The following TRDMT1 variants were observed in gnomAD, a reference collection of about 807,000 sequenced individuals.
TRDMT1 encodes the protein tRNA aspartic acid methyltransferase 1, also known as tRNA (cytosine(38)-C(5))-methyltransferase.
TRDMT1 carries 49 observed loss-of-function variants against 51.2 expected under a neutral mutation model. The ratio of observed to expected loss-of-function variants is 0.96; its 90% CI spans 0.76 to 1.21. The LOEUF is 1.21. Among genes scored for constraint, TRDMT1 ranks in the 50% most tolerant of loss-of-function variants. The pLI is 0.00. For missense variants in TRDMT1, 534 were observed against 462.3 expected, an observed-to-expected ratio of 1.16 and a Z score of -1.42; for synonymous variants, 187 against 164.6, an observed-to-expected ratio of 1.14 and a Z score of -1.04.
chr10:17,189,926 G>A (rs1322914547), intron 1 of TRDMT1, among the ~76,000 whole-genome samples: 3 of 151,974 alleles, frequency 2.0e-5, no homozygotes, highest in Non-Finnish European at 2.9e-5. Context: ...CTTCATTATT[G>A]AGTTTGAACA....
intron 7 of TRDMT1, 23 bp downstream of exon 7, chr10:17,159,123 T>A: frequency 6.8e-7 from 1 of 1,465,460 alleles, no homozygotes; most frequent in South Asian, 1.3e-5. Context: ...ATAATATTCA[T>A]AATAAAATTC....
chr10:17,155,033 C>T (rs1588506543), intron 8 of TRDMT1, among the ~76,000 whole-genome samples: 1 of 152,072 alleles, frequency 6.6e-6, no homozygotes, highest in South Asian at 2.1e-4. Context: ...GTCAGCCTGG[C>T]CAACATGGTG....
intron 8 of TRDMT1, among the ~76,000 whole-genome samples, chr10:17,155,275 G>A (rs925657454): frequency 6.6e-6 from 1 of 152,120 alleles, no homozygotes; most frequent in African/African-American, 2.4e-5. Flanking sequence ...TTTTTGAGTT[G>A]AGTAAACACC....
rs1837528249 is a variant in TRDMT1 at position 17,139,590 on chromosome 10, G to C, written c.*9450C>G. ...TGGCACTCTTCAGACTCTGCCTCTT[G>C]TACCTTTAATTGGGAAGATAGACGC... is the stretch of plus-strand genomic sequence containing the variant. On this transcript the variant is annotated 3_prime_UTR_variant, in exon 11 of 11. Coordinates refer to ENST00000377799, the MANE Select transcript of TRDMT1 (RefSeq NM_004412.7). 6.6e-6 allele frequency among the ~76,000 whole-genome samples: 1 copy of C among 152,194 alleles called. No individual in the cohort carries two copies. Among genetic ancestry groups the C allele is most frequent in the South Asian group, 2.1e-4 (1 of 4,820 alleles).
intron 1 of TRDMT1, among the ~76,000 whole-genome samples, chr10:17,199,373 A>C (rs1285384851): frequency 1.3e-5 from 2 of 152,184 alleles, no homozygotes; most frequent in East Asian, 3.8e-4. Flanking sequence ...TGTGAACCGA[A>C]GCTAGAGTGA....
chr10:17,182,714 T>C (rs1372904967), intron 1 of TRDMT1, among the ~76,000 whole-genome samples: 1 of 152,206 alleles, frequency 6.6e-6, no homozygotes, highest in Non-Finnish European at 1.5e-5. Flanking sequence ...GAGCTACTTA[T>C]AAACTATAGC....
At chr10:17,156,928 G>C (rs1398174355) in intron 8 of TRDMT1, among the ~76,000 whole-genome samples, 1 of 152,098 alleles carries the variant, frequency 6.6e-6, no homozygotes, top group Non-Finnish European at 1.5e-5. Context: ...ATGGAAGGGA[G>C]TCTTACAATC....
rs1287572710 is a variant in TRDMT1, at chr10:17,146,221, C to T, written c.*2819G>A. 1.0e-6 allele frequency: 1 copy of T among 985,326 alleles called. No individual in the cohort carries two copies. The highest frequency in any genetic ancestry group is 1.7e-5 in the African/African-American group (1 of 57,246). 61.0% of individuals were successfully genotyped at this position (985,326 alleles called of 1,614,324 possible). A position where few individuals can be genotyped will look rare whatever the true frequency, so the allele number is the denominator to read the frequency against. Reference sequence around the variant, plus strand: ...GGACCCTCACTGTTCACAATTTCAACTACTGTTTTTGCCTCTTTAGAAGGC... The same window carrying T: ...GGACCCTCACTGTTCACAATTTCAATTACTGTTTTTGCCTCTTTAGAAGGC... On this transcript the variant is annotated 3_prime_UTR_variant, in exon 11 of 11. Coordinates refer to ENST00000377799, the MANE Select transcript of TRDMT1 (RefSeq NM_004412.7).
At position 17,143,458 on chromosome 10, in the gene TRDMT1, G is replaced by A. The variant is rs1417701892; in HGVS notation, c.*5582C>T. The A allele has an allele frequency of 3.0e-6, 3 of 985,300 alleles. No homozygotes were observed. Among genetic ancestry groups the A allele is most frequent in the Non-Finnish European group, 3.6e-6 (3 of 829,942 alleles). The allele number at this position is 985,300 out of a possible 1,614,324, so 61.0% of individuals were successfully genotyped here. A position where few individuals can be genotyped will look rare whatever the true frequency, so the allele number is the denominator to read the frequency against. ...AGTCAACTCATTTCTACTACACAAG[G>A]AGTATCACATTCCATTCAGTGTTTT... is the stretch of plus-strand genomic sequence containing the variant. On this transcript the variant is annotated 3_prime_UTR_variant, in exon 11 of 11. Coordinates refer to ENST00000377799, the MANE Select transcript of TRDMT1 (RefSeq NM_004412.7).
intron 1 of TRDMT1, among the ~76,000 whole-genome samples, chr10:17,198,574 T>C (rs1293687803): frequency 1.3e-5 from 2 of 152,180 alleles, no homozygotes; most frequent in East Asian, 1.9e-4. Context: ...ATTATTCTAC[T>C]TATGTGTGGT....
chr10:17,151,650 T>A, intron 10 of TRDMT1: 24 of 968,208 alleles, frequency 2.5e-5, no homozygotes, highest in Non-Finnish European at 2.9e-5. Flanking sequence ...ATTATACATA[T>A]ATATTCAAAG....
chr10:17,178,836 C>G (rs1029327335), intron 1 of TRDMT1, among the ~76,000 whole-genome samples: 1 of 152,050 alleles, frequency 6.6e-6, no homozygotes, highest in African/African-American at 2.4e-5. Context: ...TACTTTGTGT[C>G]AAGACATACC....
intron 6 of TRDMT1, 55 bp downstream of exon 6, chr10:17,160,250 G>GA (rs982720811): frequency 2.9e-5 from 35 of 1,214,144 alleles, no homozygotes; most frequent in Non-Finnish European, 3.5e-5. Flanking sequence ...TTTCCTTTGG[G>GA]AAAAAAAGCC....
At chr10:17,199,884 A>G (rs968347267) in intron 1 of TRDMT1, among the ~76,000 whole-genome samples, 1 of 152,230 alleles carries the variant, frequency 6.6e-6, no homozygotes, top group African/African-American at 2.4e-5. Flanking sequence ...GCATTGGCTA[A>G]TAGGAGAGAA....
In TRDMT1 at chr10:17,162,271, A is replaced by C. The variant is rs915630475; in HGVS notation, c.252-34T>G. The C allele has an allele frequency of 5.2e-6, 8 of 1,526,896 alleles. No individual in the cohort carries two copies. The African/African-American group carries it at 1.1e-4, about 22-fold the overall frequency. The allele number at this position is 1,526,896 out of a possible 1,614,324, so 94.6% of individuals were successfully genotyped here. On this transcript the variant is annotated intron_variant, in intron 3 of 10. Coordinates refer to ENST00000377799, the MANE Select transcript of TRDMT1 (RefSeq NM_004412.7). Reference sequence around the variant, plus strand: ...GTAAAAAAAAAAAAAAACAAAAAAAAACACAGAAAGTTTATTAAGAATCTG... The same window carrying C: ...GTAAAAAAAAAAAAAAACAAAAAAACACACAGAAAGTTTATTAAGAATCTG...
intron 1 of TRDMT1, among the ~76,000 whole-genome samples, chr10:17,198,641 G>C (rs10904904): frequency 0.48 from 73,192 of 152,016 alleles, 17,998 homozygotes; most frequent in South Asian, 0.56. Context: ...CAGGGACTGG[G>C]GGGAAAGGGA....
intron 2 of TRDMT1, among the ~76,000 whole-genome samples, 186 bp from the exon 3 acceptor site, chr10:17,169,103 T>C (rs1166494085): frequency 1.3e-5 from 2 of 152,182 alleles, no homozygotes; most frequent in African/African-American, 2.4e-5. Flanking sequence ...GGCAGTAAAC[T>C]GAAGCTACAA....
At chr10:17,150,787 G>A in intron 10 of TRDMT1, 1 of 984,608 alleles carries the variant, frequency 1.0e-6, no homozygotes, top group Non-Finnish European at 1.2e-6. Flanking sequence ...AATTAAACAT[G>A]ATCATAAAGT....
chr10:17,172,871 C>T (rs895900129), intron 2 of TRDMT1, among the ~76,000 whole-genome samples: 1 of 152,088 alleles, frequency 6.6e-6, no homozygotes, highest in Non-Finnish European at 1.5e-5. Context: ...TGGAGGAATA[C>T]TGTTAAAATT....
Sources: gnomAD v4.1 joint callset for allele counts (sites outside exome capture counted in the v4.1 genomes callset) on GRCh38, gnomAD v4.1.1 for gene constraint, MANE v1.5 for transcripts, NCBI Gene and HGNC (gene_info 2026-07-23, HGNC 2026-07-21) for gene names.